The following NRG3 variants were observed in gnomAD, a reference collection of about 807,000 sequenced individuals.
NRG3 encodes neuregulin 3.
A neutral mutation model predicts 66.9 loss-of-function variants in NRG3; 31 were observed. The ratio of observed to expected loss-of-function variants is 0.46; its 90% CI spans 0.35 to 0.63. NRG3 has a LOEUF of 0.63. Among genes scored for constraint, NRG3 ranks in the 20% least tolerant of loss-of-function variants. The pLI is 0.00. For missense variants in NRG3, 910 were observed against 878.9 expected (o/e 1.04, Z -0.45); for synonymous variants, 393 against 359.4 (o/e 1.09, Z -1.06).
chr10:82,979,139 G>A lies in NRG3; in HGVS notation c.1583+19G>A. 1 of 1,612,454 alleles carries A rather than the reference G, an allele frequency of 6.2e-7. No individual in the cohort carries two copies. Among genetic ancestry groups the A allele is most frequent in the Non-Finnish European group, 8.5e-7 (1 of 1,178,772 alleles). On this transcript the variant is annotated intron_variant, in intron 8 of 8. Coordinates refer to ENST00000372141, the MANE Select transcript of NRG3 (RefSeq NM_001010848.4). Reference sequence around the variant, plus strand: ...GCCAAGGGTAGGTCTTAAAACAGCAGTGGAATTTAGGGAGGGTGTCTTTAA... The same window carrying A: ...GCCAAGGGTAGGTCTTAAAACAGCAATGGAATTTAGGGAGGGTGTCTTTAA...
chr10:82,602,757 T>TGGAC (rs1290626837), intron 2 of NRG3, among the ~76,000 whole-genome samples: 1 of 152,108 alleles, frequency 6.6e-6, no homozygotes, highest in East Asian at 1.9e-4. Context: ...TGATAAGAAA[T>TGGAC]GGACAAGGCC....
intron 2 of NRG3, among the ~76,000 whole-genome samples, chr10:82,614,013 C>T (rs953058213): frequency 3.3e-5 from 5 of 152,008 alleles, no homozygotes; most frequent in Admixed American, 1.3e-4. Flanking sequence ...AGCAATTCTG[C>T]CTCAGCCTCC....
chr10:82,765,343 A>G (rs1281102709), intron 3 of NRG3, among the ~76,000 whole-genome samples: 2 of 152,206 alleles, frequency 1.3e-5, no homozygotes, highest in Non-Finnish European at 2.9e-5. Flanking sequence ...AAGTAATATA[A>G]GTAAACCAAA....
intron 4 of NRG3, among the ~76,000 whole-genome samples, chr10:82,928,949 T>C (rs1847287939): frequency 6.6e-6 from 1 of 152,142 alleles, no homozygotes; most frequent in Non-Finnish European, 1.5e-5. Context: ...CCGAATTGCA[T>C]GGGAGTCCCA....
chr10:82,552,910 C>T (rs904730911), intron 2 of NRG3, among the ~76,000 whole-genome samples: 2 of 151,936 alleles, frequency 1.3e-5, no homozygotes, highest in Admixed American at 6.6e-5. Flanking sequence ...ATTGTCCTTC[C>T]CATGGAGTGA....
At chr10:82,937,690 G>T (rs1461580247) in intron 4 of NRG3, among the ~76,000 whole-genome samples, 2 of 152,158 alleles carry the variant, frequency 1.3e-5, no homozygotes, top group African/African-American at 2.4e-5. Flanking sequence ...AGAAACAGCT[G>T]GTTATAGTAA....
intron 1 of NRG3, among the ~76,000 whole-genome samples, chr10:82,193,411 G>T: frequency 6.6e-6 from 1 of 152,256 alleles, no homozygotes; most frequent in African/African-American, 2.4e-5. Flanking sequence ...CCAAAGTGCT[G>T]GGATTACAGA....
chr10:82,562,550 T>C (rs554005214), intron 2 of NRG3, among the ~76,000 whole-genome samples: 2 of 152,336 alleles, frequency 1.3e-5, no homozygotes, highest in South Asian at 4.1e-4. Context: ...TGAAACACAG[T>C]CAGTCCCTCT....
In NRG3 at chr10:81,981,009, G is replaced by A. The variant is rs192096448; in HGVS notation, c.823+104846G>A. Among the ~76,000 whole-genome samples the A allele has an allele frequency of 1.7e-3, 252 of 152,220 alleles. 1 individual carries two copies. Among genetic ancestry groups the A allele is most frequent in the African/African-American group, 5.0e-3 (206 of 41,526 alleles). ...CACATTCTGAGTTATGGATGGTTGG[G>A]GCTTCAATGTATGCATGAAGGGAGC... On this transcript the variant is annotated intron_variant, in intron 1 of 8. Coordinates refer to ENST00000372141, the MANE Select transcript of NRG3 (RefSeq NM_001010848.4).
intron 1 of NRG3, among the ~76,000 whole-genome samples, chr10:82,350,133 A>G (rs1824970029): frequency 6.6e-6 from 1 of 152,234 alleles, no homozygotes; most frequent in Non-Finnish European, 1.5e-5. Flanking sequence ...GAAAAAATAA[A>G]AAAACCTTGA....
At chr10:82,304,875 G>C (rs892840981) in intron 1 of NRG3, among the ~76,000 whole-genome samples, 1 of 151,864 alleles carries the variant, frequency 6.6e-6, no homozygotes, top group African/African-American at 2.4e-5. Context: ...CTCAAGGGGA[G>C]GGATTATACC....
intron 2 of NRG3, among the ~76,000 whole-genome samples, chr10:82,597,159 A>C (rs539134307): frequency 6.6e-6 from 1 of 152,342 alleles, no homozygotes; most frequent in South Asian, 2.1e-4. Context: ...ACCGTAAAGA[A>C]CCAGCTGGAA....
intron 1 of NRG3, among the ~76,000 whole-genome samples, chr10:82,082,131 T>G (rs1291538374): frequency 6.6e-6 from 1 of 152,246 alleles, no homozygotes; most frequent in African/African-American, 2.4e-5. Flanking sequence ...TAAAATACTT[T>G]ACAGAAATTG....
In NRG3 at chr10:82,941,995, T is replaced by TTGTGTG. The variant is rs3075660; in HGVS notation, c.1055-9449_1055-9444dup. ...TTGCTTACTTATATGACATATAGGT[T>TTGTGTG]TGTGTGTGTGTGTGTGTGTGTGTGT... On this transcript the variant is annotated intron_variant, in intron 4 of 8. Coordinates refer to ENST00000372141, the MANE Select transcript of NRG3 (RefSeq NM_001010848.4). 3.8e-3 allele frequency among the ~76,000 whole-genome samples: 557 copies of TTGTGTG among 148,454 alleles called. 2 individuals are homozygous for TTGTGTG. Among genetic ancestry groups the TTGTGTG allele is most frequent in the Non-Finnish European group, 5.6e-3 (375 of 67,032 alleles).
At chr10:82,423,095 AGAC>A (rs2089193729) in intron 2 of NRG3, among the ~76,000 whole-genome samples, 3 of 152,088 alleles carry the variant, frequency 2.0e-5, no homozygotes, top group African/African-American at 7.2e-5. Flanking sequence ...CAAATAAATT[AGAC>A]TATAGACTAA....
chr10:82,703,708 A>G (rs955152334), intron 2 of NRG3, among the ~76,000 whole-genome samples: 5 of 152,152 alleles, frequency 3.3e-5, no homozygotes, highest in Admixed American at 2.0e-4. Context: ...GGGCTAAGGC[A>G]TTTGGCCTAA....
chr10:82,299,794 G>A (rs1409791754), intron 1 of NRG3, among the ~76,000 whole-genome samples: 1 of 152,108 alleles, frequency 6.6e-6, no homozygotes, highest in Admixed American at 6.5e-5. Flanking sequence ...CCAACGAGAA[G>A]CACTCAATGA....
At chr10:82,643,964 A>C (rs2050764329) in intron 2 of NRG3, among the ~76,000 whole-genome samples, 1 of 151,972 alleles carries the variant, frequency 6.6e-6, no homozygotes, top group African/African-American at 2.4e-5. Flanking sequence ...AACCATTTTT[A>C]TTTAAAAGCA....
intron 1 of NRG3, among the ~76,000 whole-genome samples, chr10:82,113,443 C>A (rs1192048658): frequency 6.6e-6 from 1 of 152,096 alleles, no homozygotes; most frequent in African/African-American, 2.4e-5. Flanking sequence ...TGGTGTTCAG[C>A]AATTTTAATG....
Sources: gnomAD v4.1 joint callset for allele counts (sites outside exome capture counted in the v4.1 genomes callset) on GRCh38, gnomAD v4.1.1 for gene constraint, MANE v1.5 for transcripts, NCBI Gene and HGNC (gene_info 2026-07-23, HGNC 2026-07-21) for gene names.